EVC2: variants seen among roughly 807,000 people sequenced by gnomAD.
The protein encoded by EVC2 is limbin.
In EVC2, 148 loss-of-function variants were observed where a neutral mutation model predicts 149.3. The ratio of observed to expected loss-of-function variants is 0.99; its 90% CI spans 0.87 to 1.14. The LOEUF (loss-of-function observed/expected upper bound fraction) is 1.14, where lower values mean the gene tolerates loss of function less well. Among genes scored for constraint, EVC2 ranks in the 50% most tolerant of loss-of-function variants. The pLI is 0.00. For missense variants in EVC2, 1,854 were observed against 1,627.3 expected (o/e 1.14, Z -2.40); for synonymous variants, 776 against 649.9 (o/e 1.19, Z -2.95).
chr4:5,635,035 T>A (rs958189223), intron 10 of EVC2, among the ~76,000 whole-genome samples: 14 of 137,640 alleles, frequency 1.0e-4, no homozygotes, highest in African/African-American at 3.3e-4. Flanking sequence ...TGTGCTTTTT[T>A]TTTTTTTTTT....
chr4:5,610,673 G>A (rs1179381486), intron 16 of EVC2, among the ~76,000 whole-genome samples: 3 of 152,088 alleles, frequency 2.0e-5, no homozygotes, highest in Non-Finnish European at 4.4e-5. Context: ...CCCATCCCTT[G>A]AAGGCCTCTG....
intron 17 of EVC2, among the ~76,000 whole-genome samples, chr4:5,577,479 T>C (rs1723002143): frequency 6.6e-6 from 1 of 152,162 alleles, no homozygotes; most frequent in Non-Finnish European, 1.5e-5. Context: ...GACAGGGTGT[T>C]AAATCCTAAG....
At chr4:5,615,167 G>C (rs1715146849) in intron 16 of EVC2, among the ~76,000 whole-genome samples, 1 of 152,180 alleles carries the variant, frequency 6.6e-6, no homozygotes, top group African/African-American at 2.4e-5. Context: ...CAGCACCCGA[G>C]GTGAAGCCTG....
intron 5 of EVC2, among the ~76,000 whole-genome samples, chr4:5,685,901 T>C (rs998091): frequency 0.63 from 96,267 of 152,026 alleles, 30,816 homozygotes; most frequent in East Asian, 0.72. Context: ...GGGTGGGTGA[T>C]GGAGCCCGTC....
chr4:5,692,220 G>A (rs937373076), intron 3 of EVC2, among the ~76,000 whole-genome samples: 1 of 152,092 alleles, frequency 6.6e-6, no homozygotes, highest in East Asian at 1.9e-4. Context: ...TAGAGATGGG[G>A]CCTTGCTATG....
rs1722360665 is a variant in EVC2 at position 5,708,429 on chromosome 4, C to T, written c.85G>A (p.Gly29Ser). The stretch of plus-strand genomic sequence containing the variant: ...GGACGTGAGCTGGCGCCGAGACAGC[C>T]TCGGCCCCCCAGCGCCAGGGCCACT... ...LAVALALGGR[G>S]CLGASSRPRW... Residue 29 changes from glycine (G) to serine (S), a missense_variant, in exon 1 of 22, where the codon GGC becomes AGC. Transcript: ENST00000344408. The T allele has an allele frequency of 6.6e-7, 1 of 1,504,572 alleles. No individual in the cohort carries two copies. The highest frequency in any genetic ancestry group is 1.2e-5 in the South Asian group (1 of 81,010). The allele number at this position is 1,504,572 out of a possible 1,614,324, so 93.2% of individuals were successfully genotyped here. A position where few individuals can be genotyped will look rare whatever the true frequency, so the allele number is the denominator to read the frequency against.
At chr4:5,556,849 C>T (rs907698284) in intron 21 of EVC2, among the ~76,000 whole-genome samples, 1 of 152,098 alleles carries the variant, frequency 6.6e-6, no homozygotes, top group Non-Finnish European at 1.5e-5. Context: ...GAATGAATCC[C>T]TTGAAAGACA....
chr4:5,687,069 C>T (rs1008053352), intron 5 of EVC2, among the ~76,000 whole-genome samples: 1 of 151,874 alleles, frequency 6.6e-6, no homozygotes, highest in African/African-American at 2.4e-5. Flanking sequence ...CCAGCCTGGG[C>T]AATATGGTAA....
intron 14 of EVC2, among the ~76,000 whole-genome samples, chr4:5,620,447 C>T (rs937695973): frequency 5.9e-5 from 9 of 152,212 alleles, no homozygotes; most frequent in African/African-American, 1.9e-4. Flanking sequence ...CTCAAAGACA[C>T]ACTTTCTCTT....
chr4:5,545,480 A>G (rs1316391842), intron 21 of EVC2, among the ~76,000 whole-genome samples: 1 of 152,164 alleles, frequency 6.6e-6, no homozygotes, highest in African/African-American at 2.4e-5. Flanking sequence ...TTTGCTTCTG[A>G]TATTATTATT....
chr4:5,636,295 C>T lies in EVC2; in HGVS notation c.1470+4219G>A, dbSNP rs371055636. ...TTTGAGAACTATAAGGCATTATATA[C>T]GCATTTAAATATTATAGTATGAACA... is the stretch of plus-strand genomic sequence containing the variant. On this transcript the variant is annotated intron_variant, in intron 10 of 21. Coordinates refer to ENST00000344408, the MANE Select transcript of EVC2 (RefSeq NM_147127.5). The surrounding 1 kb of genome is among the most constrained non-coding windows in gnomAD (Gnocchi z 4.6). Among the ~76,000 whole-genome samples the T allele has an allele frequency of 2.4e-4, 37 of 152,242 alleles. No homozygotes were observed. Among genetic ancestry groups the T allele is most frequent in the Admixed American group, 1.2e-3 (19 of 15,300 alleles).
At chr4:5,586,428 G>A (rs1712285331) in intron 16 of EVC2, among the ~76,000 whole-genome samples, 1 of 152,060 alleles carries the variant, frequency 6.6e-6, no homozygotes, top group African/African-American at 2.4e-5. Context: ...CCATCTGAAT[G>A]GACCACTCCT....
the EVC2 span, among the ~76,000 whole-genome samples, chr4:5,530,215 T>G: frequency 3.3e-5 from 5 of 152,170 alleles, no homozygotes; most frequent in Non-Finnish European, 7.3e-5. Context: ...CTCGGATGGA[T>G]GCCAGGCTTC....
Position 5,663,142 on chromosome 4 carries a change from G to T in EVC2, c.1110C>A (p.Ser370=), listed in dbSNP as rs748718225. 4.2e-5 allele frequency: 68 copies of T among 1,613,962 alleles called. No homozygotes were observed. Among genetic ancestry groups the T allele is most frequent in the Non-Finnish European group, 5.6e-5 (66 of 1,180,010 alleles). ...CTTGAAGCATGCTCCCAGGGTCCTC[G>T]GAAGACAGAATGTCTATCATTTGGT... is the stretch of plus-strand genomic sequence containing the variant. ...LNDQMIDILS[S]EDPGSMLQAL... The change falls in exon 9 of 22, where the codon TCC becomes TCA. Residue 370 remains serine (S), a synonymous_variant. Transcript: ENST00000344408.
chr4:5,691,922 G>C (rs548582621), intron 3 of EVC2, among the ~76,000 whole-genome samples: 1 of 152,162 alleles, frequency 6.6e-6, no homozygotes, highest in African/African-American at 2.4e-5. Context: ...TTTCCTTTCC[G>C]TTTGACTAAT....
chr4:5,622,665 C>T lies in EVC2; in HGVS notation c.2373G>A (p.Leu791=), dbSNP rs762295916. Reference sequence around the variant, plus strand: ...GGTCCCTGTCCCTCTCCTCCCCCTCCAGCTGCTCGGCCCGTGCAGCCATCT... The same window carrying T: ...GGTCCCTGTCCCTCTCCTCCCCCTCTAGCTGCTCGGCCCGTGCAGCCATCT... ...GKEMAARAEQ[L]EGEERDRDQE... Residue 791 remains leucine, a synonymous_variant, in exon 14 of 22, where the codon CTG becomes CTA. Transcript: ENST00000344408. The surrounding 1 kb of genome is among the most constrained non-coding windows in gnomAD (Gnocchi z 5.8). The T allele has an allele frequency of 6.2e-7, 1 of 1,614,130 alleles. No homozygotes were observed. The highest frequency in any genetic ancestry group is 1.1e-5 in the South Asian group (1 of 91,078).
intron 19 of EVC2, among the ~76,000 whole-genome samples, chr4:5,572,325 T>C (rs1055462544): frequency 2.0e-5 from 3 of 152,228 alleles, no homozygotes; most frequent in African/African-American, 7.2e-5. Flanking sequence ...CCAAAACTCA[T>C]GTTGAAACTT....
chr4:5,538,120 C>T (rs369583787), downstream of EVC2, among the ~76,000 whole-genome samples: 95 of 148,096 alleles, frequency 6.4e-4, 1 homozygote, highest in Admixed American at 1.6e-3. Context: ...GGGAGGAGGA[C>T]GCAGATTATC....
chr4:5,682,924 C>A (rs975665132), intron 6 of EVC2, among the ~76,000 whole-genome samples: 3 of 152,060 alleles, frequency 2.0e-5, no homozygotes, highest in African/African-American at 7.3e-5. Context: ...GCTCAGCAAC[C>A]CATGTAATTC....
Sources: gnomAD v4.1 joint callset for allele counts (sites outside exome capture counted in the v4.1 genomes callset) on GRCh38, gnomAD v4.1.1 for gene constraint, Gnocchi (gnomAD v3.1) non-coding constraint, MANE v1.5 for transcripts, NCBI Gene and HGNC (gene_info 2026-07-23, HGNC 2026-07-21) for gene names.